ACACA: variants seen among roughly 807,000 people sequenced by gnomAD.
ACACA encodes acetyl-CoA carboxylase alpha.
ACACA carries 103 observed loss-of-function variants against 296.1 expected under a neutral mutation model. The ratio of observed to expected loss-of-function variants is 0.35; its 90% CI spans 0.30 to 0.41. The LOEUF is 0.41. ACACA is among the 10% of genes least tolerant of loss of function. The pLI is 1.00. For missense variants in ACACA, 1,554 were observed against 2,989.7 expected, an observed-to-expected ratio of 0.52 and a Z score of 11.20; for synonymous variants, 953 against 1,038.6, an observed-to-expected ratio of 0.92 and a Z score of 1.58.
intron 29 of ACACA, among the ~76,000 whole-genome samples, chr17:37,221,178 C>T (rs957258310): frequency 2.0e-5 from 3 of 152,110 alleles, no homozygotes; most frequent in Non-Finnish European, 2.9e-5. Flanking sequence ...ATGTAATTAT[C>T]ATGGCTTAAT....
At chr17:37,134,174 C>T (rs1214363662) in intron 45 of ACACA, among the ~76,000 whole-genome samples, 1 of 152,216 alleles carries the variant, frequency 6.6e-6, no homozygotes, top group African/African-American at 2.4e-5. Flanking sequence ...CATGCTCAGG[C>T]CTCTGCTGCT....
At chr17:37,336,420 G>GACCGCTTCCACCTTTAAAC (rs2048121914) in intron 2 of ACACA, among the ~76,000 whole-genome samples, 1 of 152,206 alleles carries the variant, frequency 6.6e-6, no homozygotes, top group Non-Finnish European at 1.5e-5. Context: ...CTGGGAAGGT[G>GACCGCTTCCACCTTTAAAC]ACCGCTTCCA....
chr17:37,218,651 C>G (rs569800800), intron 29 of ACACA, among the ~76,000 whole-genome samples: 1 of 152,300 alleles, frequency 6.6e-6, no homozygotes, highest in Admixed American at 6.5e-5. Context: ...AATTACCCCT[C>G]AGATAATTTT....
At chr17:37,174,107 G>A (rs1317041862) in intron 41 of ACACA, among the ~76,000 whole-genome samples, 3 of 136,558 alleles carry the variant, frequency 2.2e-5, no homozygotes, top group African/African-American at 5.5e-5. Context: ...GTGATCCGCC[G>A]ACCTTGGTCT....
chr17:37,244,816 T>C (rs1567873538), intron 20 of ACACA, 82 bp from the exon 21 acceptor site: 13 of 1,583,608 alleles, frequency 8.2e-6, no homozygotes, highest in African/African-American at 5.4e-5. Flanking sequence ...AGAGTTATCA[T>C]TCAAAATCGA....
intron 1 of ACACA, among the ~76,000 whole-genome samples, chr17:37,382,468 T>C (rs2050340054): frequency 1.3e-5 from 2 of 151,896 alleles, no homozygotes; most frequent in African/African-American, 2.4e-5. Context: ...TTTAGAGAAA[T>C]TGGGGATCCA....
chr17:37,100,622 C>A (rs1413464889), intron 52 of ACACA, among the ~76,000 whole-genome samples: 1 of 145,824 alleles, frequency 6.9e-6, no homozygotes, highest in Non-Finnish European at 1.5e-5. Context: ...AGATCTCAGA[C>A]CGCCCCTCAA....
chr17:37,186,445 TA>T (rs916252308), intron 39 of ACACA, among the ~76,000 whole-genome samples: 2 of 152,172 alleles, frequency 1.3e-5, no homozygotes, highest in Non-Finnish European at 2.9e-5. Context: ...AATATTAAAT[TA>T]AAAAACAAAT....
At chr17:37,349,692 G>A (rs1228320004) in intron 1 of ACACA, among the ~76,000 whole-genome samples, 4 of 151,330 alleles carry the variant, frequency 2.6e-5, no homozygotes, top group African/African-American at 9.7e-5. Flanking sequence ...AAGTAGCTGG[G>A]ATTACAGGTA....
chr17:37,159,862 G>A (rs1006400206), intron 42 of ACACA, among the ~76,000 whole-genome samples: 1 of 152,168 alleles, frequency 6.6e-6, no homozygotes, highest in Admixed American at 6.5e-5. Flanking sequence ...CAGGAATGCA[G>A]GAAGATAAAA....
At chr17:37,385,910 T>G (rs962186944) in intron 1 of ACACA, 1 of 765,388 alleles carries the variant, frequency 1.3e-6, no homozygotes, top group Non-Finnish European at 2.1e-6. Flanking sequence ...GGACCACAAT[T>G]GGAAGTTTAC....
chr17:37,196,931 G>A (rs926780396), intron 35 of ACACA, among the ~76,000 whole-genome samples: 2 of 151,862 alleles, frequency 1.3e-5, no homozygotes, highest in African/African-American at 4.8e-5. Flanking sequence ...TACAAAAAGA[G>A]ACTTGTTTTT....
intron 55 of ACACA, among the ~76,000 whole-genome samples, chr17:37,088,294 G>A (rs1236814462): frequency 6.6e-6 from 1 of 152,124 alleles, no homozygotes; most frequent in Non-Finnish European, 1.5e-5. Context: ...ATATTTGGGG[G>A]TAAAGGCCAT....
intron 3 of ACACA, among the ~76,000 whole-genome samples, chr17:37,286,901 T>C (rs1206334424): frequency 6.6e-6 from 1 of 152,232 alleles, no homozygotes; most frequent in East Asian, 1.9e-4. Context: ...TTAGAGGTGA[T>C]AGCTACTTCC....
chr17:37,260,100 T>C (rs2081380166), intron 11 of ACACA, among the ~76,000 whole-genome samples: 1 of 150,506 alleles, frequency 6.6e-6, no homozygotes, highest in Non-Finnish European at 1.5e-5. Flanking sequence ...CAGCCTGGTC[T>C]CAAACTCCTG....
chr17:37,148,313 C>A (rs1330338939), intron 45 of ACACA, among the ~76,000 whole-genome samples: 1 of 151,894 alleles, frequency 6.6e-6, no homozygotes, highest in Non-Finnish European at 1.5e-5. Context: ...TGGTTCACAA[C>A]CTTTATTTCC....
chr17:37,389,418 C>T (rs534885296), intron 1 of ACACA: 42 of 1,541,322 alleles, frequency 2.7e-5, no homozygotes, highest in Middle Eastern at 1.7e-4. Context: ...GGGTAGGGGC[C>T]GGGCGTGGTG....
chr17:37,241,671 C>T (rs1350625435), intron 23 of ACACA, among the ~76,000 whole-genome samples: 1 of 152,038 alleles, frequency 6.6e-6, no homozygotes, highest in African/African-American at 2.4e-5. Flanking sequence ...TGAGCCACTG[C>T]ACTCCAGTCG....
Position 37,113,164 on chromosome 17 carries a change from G to T in ACACA, c.6376C>A (p.Arg2126=), listed in dbSNP as rs1301359511. The change falls in exon 51 of 56, where the codon CGG becomes AGG. Residue 2126 remains arginine (R), a synonymous_variant. Coordinates refer to ENST00000616317, the MANE Select transcript of ACACA (RefSeq NM_198834.3). This position sits in a 1 kb window ranked among gnomAD's most constrained non-coding sequence, Gnocchi z 4.0. The part of the protein sequence containing the change: ...LVYIPPQAEL[R]GGSWVVIDSS... ...TCAATCACCACCCAGGAGCCACCCC[G>T]CAGCTCAGCCTGGGGAGGAATGTAA... is the stretch of plus-strand genomic sequence containing the variant. 1.9e-6 allele frequency: 3 copies of T among 1,614,168 alleles called. No homozygotes were observed. Among genetic ancestry groups the T allele is most frequent in the Non-Finnish European group, 1.7e-6 (2 of 1,180,024 alleles).
Sources: gnomAD v4.1 joint callset for allele counts (sites outside exome capture counted in the v4.1 genomes callset) on GRCh38, gnomAD v4.1.1 for gene constraint, Gnocchi (gnomAD v3.1) non-coding constraint, MANE v1.5 for transcripts, NCBI Gene and HGNC (gene_info 2026-07-23, HGNC 2026-07-21) for gene names.